The following TMEM74 variants were observed in gnomAD, a reference collection of about 807,000 sequenced individuals.
The protein encoded by TMEM74 is transmembrane protein 74.
Under a neutral mutation model 18.1 loss-of-function variants are expected in TMEM74, and 13 were observed. The ratio of observed to expected loss-of-function variants is 0.72; its 90% CI spans 0.47 to 1.14. The LOEUF (loss-of-function observed/expected upper bound fraction) is 1.14, where lower values mean the gene tolerates loss of function less well. TMEM74 is among the 50% of genes most tolerant of loss of function. The pLI is 0.00. For missense variants in TMEM74, 372 were observed against 375.9 expected, an observed-to-expected ratio of 0.99 and a Z score of 0.09; for synonymous variants, 159 against 146.6, an observed-to-expected ratio of 1.08 and a Z score of -0.61.
chr8:108,774,487 T>C (rs1326782424), downstream of TMEM74, among the ~76,000 whole-genome samples: 1 of 152,162 alleles, frequency 6.6e-6, no homozygotes, highest in Admixed American at 6.5e-5. Context: ...GTGGCTTCTG[T>C]AAGTTCTTAG....
At chr8:108,774,846 G>A (rs1339265641), downstream of TMEM74, among the ~76,000 whole-genome samples, 3 of 143,814 alleles carry the variant, frequency 2.1e-5, no homozygotes, top group Non-Finnish European at 4.5e-5. Flanking sequence ...TGATCCTCCT[G>A]CCTCAGCCTC....
intron 1 of TMEM74, among the ~76,000 whole-genome samples, chr8:108,772,355 C>T (rs553005618): frequency 6.6e-6 from 1 of 152,184 alleles, no homozygotes; most frequent in East Asian, 1.9e-4. Flanking sequence ...ATGTTCCCAT[C>T]TTTGCAAGTC....
rs182898291 is a variant in TMEM74, at chr8:108,670,927, T to C, written n.120-15490A>G. On this transcript the variant is annotated intron_variant and non_coding_transcript_variant, in intron 1 of 3. Transcript: ENST00000518838. ...GAATCAAAGTTCCAAGAATGACCAA[T>C]TGTGCTCATTAATAATAAAAAGGCA... 1.7e-3 allele frequency among the ~76,000 whole-genome samples: 255 copies of C among 152,262 alleles called. No homozygotes were observed. In the Middle Eastern group the frequency reaches 0.017, roughly 10 times the overall value.
intron 2 of TMEM74, chr8:108,652,602 G>T: frequency 1.6e-6 from 1 of 621,204 alleles, no homozygotes; most frequent in East Asian, 2.8e-5. Flanking sequence ...AGAGACACTG[G>T]GAAAAGATAG....
chr8:108,670,034 T>G (rs1261729670), intron 1 of TMEM74, among the ~76,000 whole-genome samples: 4 of 113,940 alleles, frequency 3.5e-5, no homozygotes, highest in Non-Finnish European at 6.9e-5. Context: ...TAAGATTCTG[T>G]GAAAAAAAAA....
intron 2 of TMEM74, among the ~76,000 whole-genome samples, chr8:108,615,693 GA>G (rs765164979): frequency 1.1e-4 from 17 of 152,112 alleles, no homozygotes; most frequent in Non-Finnish European, 1.5e-4. Flanking sequence ...ACCAGCATAA[GA>G]AGGTTTATCA....
intron 2 of TMEM74, among the ~76,000 whole-genome samples, chr8:108,616,532 T>G (rs1225873754): frequency 1.3e-5 from 2 of 152,202 alleles, no homozygotes; most frequent in African/African-American, 4.8e-5. Flanking sequence ...AATTCTGATA[T>G]ATAAAATAGG....
intron 1 of TMEM74, among the ~76,000 whole-genome samples, chr8:108,696,212 A>G (rs752369030): frequency 2.0e-5 from 3 of 152,174 alleles, no homozygotes; most frequent in Non-Finnish European, 4.4e-5. Flanking sequence ...AATAGCTAAT[A>G]TTTTCCAGCA....
At chr8:108,714,667 C>T (rs1050226017) in intron 1 of TMEM74, among the ~76,000 whole-genome samples, 1 of 152,144 alleles carries the variant, frequency 6.6e-6, no homozygotes, top group South Asian at 2.1e-4. Flanking sequence ...CCAATAATCC[C>T]ATTACTCTAT....
At chr8:108,679,221 T>C (rs1813087970) in intron 1 of TMEM74, among the ~76,000 whole-genome samples, 1 of 152,194 alleles carries the variant, frequency 6.6e-6, no homozygotes, top group South Asian at 2.1e-4. Context: ...TGTGCATCTG[T>C]CTTTACAGCA....
In TMEM74 at chr8:108,752,870, T is replaced by C. The variant is rs114763474; in HGVS notation, n.119+34606A>G. ...ATGTCTTTCTTGTCAGTATAACCAG[T>C]TCACTGGCCCTTTTTTCTCTTGCAC... On this transcript the variant is annotated intron_variant and non_coding_transcript_variant, in intron 1 of 3. Transcript: ENST00000518838. Among the ~76,000 whole-genome samples, 456 of 152,198 alleles carry C rather than the reference T, an allele frequency of 3.0e-3. 6 individuals are homozygous for C. The highest frequency in any genetic ancestry group is 0.011 in the African/African-American group (439 of 41,544).
intron 1 of TMEM74, among the ~76,000 whole-genome samples, chr8:108,756,778 G>A (rs1179323790): frequency 1.7e-5 from 2 of 120,916 alleles, no homozygotes; most frequent in East Asian, 2.9e-4. Context: ...GGGAGGGGAG[G>A]GCAGGAGGGG....
chr8:108,658,246 G>A lies in TMEM74; in HGVS notation n.120-2809C>T, dbSNP rs75873458. Among the ~76,000 whole-genome samples, 1,359 of 152,190 alleles carry A rather than the reference G, an allele frequency of 8.9e-3. 21 individuals carry two copies. The highest frequency in any genetic ancestry group is 0.031 in the African/African-American group (1,272 of 41,536). ...TAGTTGTTAGTTTCAGCAAGTCCAT[G>A]TTTCAAACTGGTACATCAGTCTTTC... On this transcript the variant is annotated intron_variant and non_coding_transcript_variant, in intron 1 of 3. Transcript: ENST00000518838.
intron 1 of TMEM74, among the ~76,000 whole-genome samples, chr8:108,731,344 A>G (rs962723957): frequency 3.3e-5 from 5 of 152,166 alleles, no homozygotes; most frequent in Non-Finnish European, 1.5e-5. Flanking sequence ...AATCAATAGA[A>G]TACATGTTCT....
intron 1 of TMEM74, among the ~76,000 whole-genome samples, chr8:108,764,507 A>AT (rs1034021107): frequency 1.3e-5 from 2 of 152,158 alleles, no homozygotes; most frequent in African/African-American, 2.4e-5. Flanking sequence ...TGCCATGTAC[A>AT]TTTTTTTCCT....
chr8:108,698,710 A>T (rs1000010465), intron 1 of TMEM74, among the ~76,000 whole-genome samples: 1 of 152,190 alleles, frequency 6.6e-6, no homozygotes, highest in Non-Finnish European at 1.5e-5. Context: ...ACCATTTCAT[A>T]CCCTCTGTCA....
At chr8:108,736,407 A>T (rs372647216) in intron 1 of TMEM74, among the ~76,000 whole-genome samples, 14 of 152,112 alleles carry the variant, frequency 9.2e-5, no homozygotes, top group African/African-American at 3.1e-4. Context: ...TTCTCTGATG[A>T]TCCTATATAA....
intron 2 of TMEM74, among the ~76,000 whole-genome samples, chr8:108,611,747 T>C (rs1036254116): frequency 6.6e-6 from 1 of 152,228 alleles, no homozygotes; most frequent in Non-Finnish European, 1.5e-5. Context: ...TTAACTGATA[T>C]GTCATCTATC....
At chr8:108,688,267 A>T (rs1393178455) in intron 1 of TMEM74, among the ~76,000 whole-genome samples, 4 of 152,246 alleles carry the variant, frequency 2.6e-5, no homozygotes, top group African/African-American at 9.6e-5. Flanking sequence ...TTTATATATT[A>T]TTCGACCAGA....
Sources: allele counts gnomAD v4.1 joint callset (sites outside exome capture counted in the v4.1 genomes callset), GRCh38; gene constraint gnomAD v4.1.1; transcripts MANE v1.5; gene names NCBI Gene and HGNC (gene_info 2026-07-23, HGNC 2026-07-21).